The following LAPTM5 variants were observed in gnomAD, a reference collection of about 807,000 sequenced individuals.
The protein encoded by LAPTM5 is lysosomal-associated transmembrane protein 5.
LAPTM5 carries 11 observed loss-of-function variants against 30.1 expected under a neutral mutation model. The ratio of observed to expected loss-of-function variants is 0.37; its 90% CI spans 0.23 to 0.60. The LOEUF is 0.60. LAPTM5 is among the 20% of genes least tolerant of loss of function. LAPTM5 has a pLI of 0.71. For missense variants in LAPTM5, 324 were observed against 332.5 expected, an observed-to-expected ratio of 0.97 and a Z score of 0.20; for synonymous variants, 151 against 137.9, an observed-to-expected ratio of 1.10 and a Z score of -0.67.
chr1:30,752,333 T>G (rs1640148945), intron 1 of LAPTM5, among the ~76,000 whole-genome samples: 1 of 152,190 alleles, frequency 6.6e-6, no homozygotes, highest in Non-Finnish European at 1.5e-5. Context: ...ATCCATCTTC[T>G]TAGCTCTGAA....
intron 1 of LAPTM5, among the ~76,000 whole-genome samples, chr1:30,750,178 G>T (rs371763856): frequency 6.6e-6 from 1 of 152,102 alleles, no homozygotes; most frequent in South Asian, 2.1e-4. Flanking sequence ...AGCAGCCAGT[G>T]GGGGGCTCAG....
chr1:30,756,012 T>A (rs939152318), intron 1 of LAPTM5, among the ~76,000 whole-genome samples: 5 of 152,140 alleles, frequency 3.3e-5, no homozygotes, highest in South Asian at 4.1e-4. Context: ...GTTGGAGACC[T>A]CTGAGCCAGT....
rs114873698 is a variant in LAPTM5 at position 30,755,657 on chromosome 1, C to T, written c.87+2002G>A. On this transcript the variant is annotated intron_variant, in intron 1 of 7. Transcript: ENST00000294507. Reference sequence around the variant, plus strand: ...TTACAGGTGAGGACATCGGATGGCACGATCAACAAGAAACCTTAACAGCCC... The same window carrying T: ...TTACAGGTGAGGACATCGGATGGCATGATCAACAAGAAACCTTAACAGCCC... 3.1e-3 allele frequency among the ~76,000 whole-genome samples: 477 copies of T among 152,260 alleles called. 4 individuals carry two copies. The highest frequency in any genetic ancestry group is 0.011 in the African/African-American group (444 of 41,520).
chr1:30,753,081 C>T (rs909329271), intron 1 of LAPTM5, among the ~76,000 whole-genome samples: 5 of 120,916 alleles, frequency 4.1e-5, no homozygotes, highest in South Asian at 2.8e-4. Flanking sequence ...CGCACCTGGC[C>T]GTACTTTTTT....
intron 1 of LAPTM5, among the ~76,000 whole-genome samples, chr1:30,749,266 C>T (rs1348720092): frequency 6.6e-6 from 1 of 152,190 alleles, no homozygotes. Context: ...TGCAGAATTT[C>T]ATTTCTACGT....
Position 30,743,890 on chromosome 1 carries a change from C to T in LAPTM5, c.88-1341G>A, listed in dbSNP as rs532241712. 9.0e-4 allele frequency among the ~76,000 whole-genome samples: 130 copies of T among 144,632 alleles called. 5 individuals are homozygous for T. The South Asian group carries it at 0.023, about 26-fold the overall frequency. The allele number at this position is 144,632 out of a possible 152,430, so 94.9% of individuals were successfully genotyped here. On this transcript the variant is annotated intron_variant, in intron 1 of 7. Transcript: ENST00000294507. Reference sequence around the variant, plus strand: ...TTTAGGGGCGTGGAAAGGGACTGAACGGAAGAGTGATGAAGAGCTGGGCTC... The same window carrying T: ...TTTAGGGGCGTGGAAAGGGACTGAATGGAAGAGTGATGAAGAGCTGGGCTC...
At chr1:30,742,111 A>T in intron 2 of LAPTM5, 1 of 393,550 alleles carries the variant, frequency 2.5e-6, no homozygotes, top group South Asian at 2.7e-5. Flanking sequence ...AGAGGTGGGC[A>T]GAGGCTGGAT....
chr1:30,742,136 T>A, intron 2 of LAPTM5: 1 of 409,496 alleles, frequency 2.4e-6, no homozygotes. Context: ...TGGTGAGGAG[T>A]TTCCATTTTA....
intron 1 of LAPTM5, among the ~76,000 whole-genome samples, chr1:30,748,665 A>G (rs147763685): frequency 6.6e-6 from 1 of 152,170 alleles, no homozygotes; most frequent in African/African-American, 2.4e-5. Context: ...AGATACCACC[A>G]GACGCCCCCA....
chr1:30,755,364 A>G (rs1404792036), intron 1 of LAPTM5, among the ~76,000 whole-genome samples: 7 of 151,978 alleles, frequency 4.6e-5, no homozygotes, highest in East Asian at 1.9e-4. Flanking sequence ...CAAAATATCA[A>G]TGGTGCACTG....
intron 3 of LAPTM5, 48 bp downstream of exon 3, chr1:30,741,592 G>A: frequency 1.4e-6 from 2 of 1,444,502 alleles, no homozygotes; most frequent in Non-Finnish European, 1.9e-6. Context: ...ACCAGTGGGT[G>A]TGAATAACAG....
Position 30,733,504 on chromosome 1 carries a change from C to G in LAPTM5, c.*324G>C. 1 of 1,407,630 alleles carries G rather than the reference C, an allele frequency of 7.1e-7. No homozygotes were observed. The highest frequency in any genetic ancestry group is 9.4e-7 in the Non-Finnish European group (1 of 1,065,618). 87.2% of individuals were successfully genotyped at this position (1,407,630 alleles called of 1,614,324 possible). On this transcript the variant is annotated 3_prime_UTR_variant, in exon 8 of 8. Coordinates refer to ENST00000294507, the MANE Select transcript of LAPTM5 (RefSeq NM_006762.3). ...TTGTCAGTTGCTTGGCTGAACTGAT[C>G]AAGTCGATAGTTGCTTGACAAACTC...
At chr1:30,756,825 C>G (rs745573395) in intron 1 of LAPTM5, among the ~76,000 whole-genome samples, 9 of 152,156 alleles carry the variant, frequency 5.9e-5, no homozygotes, top group Non-Finnish European at 1.0e-4. Flanking sequence ...TCGCTTGGGT[C>G]TAGGGGAGAT....
rs1569850130 is a variant in LAPTM5, at chr1:30,733,612, G to A, written c.*216C>T. 2.0e-6 allele frequency: 3 copies of A among 1,530,100 alleles called. No homozygotes were observed. Among genetic ancestry groups the A allele is most frequent in the South Asian group, 1.2e-5 (1 of 83,188 alleles). 94.8% of individuals were successfully genotyped at this position (1,530,100 alleles called of 1,614,324 possible). On this transcript the variant is annotated 3_prime_UTR_variant, in exon 8 of 8. Transcript: ENST00000294507. ...AAGCATTGTTGGGCTGAATTATGGA[G>A]AGACCCGAGGAGTGACTCAGCCTAA...
At chr1:30,755,388 A>G (rs1181078525) in intron 1 of LAPTM5, among the ~76,000 whole-genome samples, 1 of 151,990 alleles carries the variant, frequency 6.6e-6, no homozygotes, top group Non-Finnish European at 1.5e-5. Flanking sequence ...AGAAGATCCA[A>G]CTTCTTAGCT....
Position 30,737,693 on chromosome 1 carries a change from G to A in LAPTM5, c.517C>T (p.Leu173Phe). The A allele has an allele frequency of 1.2e-6, 2 of 1,611,560 alleles. No individual in the cohort carries two copies. Among genetic ancestry groups the A allele is most frequent in the Non-Finnish European group, 1.7e-6 (2 of 1,178,032 alleles). ...TGAGGCATATCCTCCTGGCTGGGGA[G>A]GTAATTCTGCAACAGATTTGGGGGC... ...NFKSMNHMNY[L>F]PSQEDMPHNQ... is the part of the protein sequence containing the mutation. Residue 173 changes from leucine to phenylalanine, a missense_variant, in exon 6 of 8, where the codon CTC becomes TTC. Leu to Phe is a conservative substitution (Grantham distance 22). Transcript: ENST00000294507.
At position 30,750,970 on chromosome 1, in the gene LAPTM5, T is replaced by C. The variant is rs561394776; in HGVS notation, c.87+6689A>G. The stretch of plus-strand genomic sequence containing the variant: ...AGGGGGTGCTTTGTGCCACTTCCCT[T>C]GGCAGGGTGGGGTCCCCTGGGAAAC... On this transcript the variant is annotated intron_variant, in intron 1 of 7. Coordinates refer to ENST00000294507, the MANE Select transcript of LAPTM5 (RefSeq NM_006762.3). Among the ~76,000 whole-genome samples the C allele has an allele frequency of 1.6e-3, 242 of 152,312 alleles. 1 individual carries two copies. The highest frequency in any genetic ancestry group is 2.9e-3 in the Non-Finnish European group (195 of 68,006).
At chr1:30,740,797 G>C (rs1276703739) in intron 3 of LAPTM5, among the ~76,000 whole-genome samples, 1 of 152,198 alleles carries the variant, frequency 6.6e-6, no homozygotes, top group Non-Finnish European at 1.5e-5. Context: ...TGGGTTCCAA[G>C]ACAGAGTGAG....
At chr1:30,735,028 C>A in intron 7 of LAPTM5, 145 bp downstream of exon 7, 1 of 676,184 alleles carries the variant, frequency 1.5e-6, no homozygotes, top group South Asian at 1.7e-5. Flanking sequence ...TCTTAGACTA[C>A]CAGAACTGAA....
Sources: allele counts gnomAD v4.1 joint callset (sites outside exome capture counted in the v4.1 genomes callset), GRCh38; gene constraint gnomAD v4.1.1; transcripts MANE v1.5; gene names NCBI Gene and HGNC (gene_info 2026-07-23, HGNC 2026-07-21).